The following IGFBPL1 variants were observed in gnomAD, a reference collection of about 807,000 sequenced individuals.
IGFBPL1 encodes the protein insulin like growth factor binding protein like 1, also known as insulin-like growth factor-binding protein-like 1.
A neutral mutation model predicts 23.9 loss-of-function variants in IGFBPL1; 20 were observed. That is an observed-to-expected ratio of 0.84 (90% CI 0.59 to 1.22). IGFBPL1 has a LOEUF of 1.22. Ranked by LOEUF, IGFBPL1 falls within the 50% of genes most tolerant of loss-of-function variation. IGFBPL1 has a pLI of 0.00. For missense variants in IGFBPL1, 436 were observed against 379.3 expected (o/e 1.15, Z -1.24); for synonymous variants, 184 against 171.8 (o/e 1.07, Z -0.56).
In IGFBPL1 at chr9:38,414,166, G is replaced by A. The variant is rs373687632; in HGVS notation, c.498C>T (p.Asn166=). The A allele has an allele frequency of 8.7e-6, 14 of 1,611,174 alleles. No individual in the cohort carries two copies. Among genetic ancestry groups the A allele is most frequent in the Admixed American group, 1.7e-5 (1 of 59,678 alleles). ...ACAGGCCCACCTGCGCCCCGGTGAC[G>A]TTGTGAACACTTCGGGGAGGAACGA... is the stretch of plus-strand genomic sequence containing the variant. The part of the protein sequence containing the change: ...VVVVPPRSVH[N]VTGAQVGLSC... Residue 166 remains asparagine, a synonymous_variant, in exon 2 of 5, where the codon AAC becomes AAT. Transcript: ENST00000377694.
At chr9:38,421,894 A>G (rs1191336570) in intron 1 of IGFBPL1, among the ~76,000 whole-genome samples, 1 of 152,202 alleles carries the variant, frequency 6.6e-6, no homozygotes, top group Non-Finnish European at 1.5e-5. Context: ...AACCCCGGGG[A>G]GGCCTGACGC....
intron 3 of IGFBPL1, 39 bp from the exon 4 acceptor site, chr9:38,411,588 G>A (rs1269664323): frequency 6.4e-7 from 1 of 1,573,492 alleles, no homozygotes. Flanking sequence ...GTTATATAAG[G>A]AACAGCAAAA....
At chr9:38,411,342 T>C in intron 4 of IGFBPL1, 49 bp downstream of exon 4, 1 of 1,507,174 alleles carries the variant, frequency 6.6e-7, no homozygotes, top group Non-Finnish European at 9.0e-7. Flanking sequence ...CCACCTCAAA[T>C]ATCTCATAAC....
rs1821443635 is a variant in IGFBPL1, at chr9:38,407,481, C to T, written c.*1746G>A. On this transcript the variant is annotated 3_prime_UTR_variant, in exon 5 of 5. Coordinates refer to ENST00000377694, the MANE Select transcript of IGFBPL1 (RefSeq NM_001007563.3). ...TCCCAATATATTAGACATGGAATGGCAGGCTTACAGGCGGAAAGTTCACTT... is the reference window on the plus strand; with the variant it reads ...TCCCAATATATTAGACATGGAATGGTAGGCTTACAGGCGGAAAGTTCACTT... Among the ~76,000 whole-genome samples, 2 of 152,184 alleles carry T rather than the reference C, an allele frequency of 1.3e-5. No homozygotes were observed. The highest frequency in any genetic ancestry group is 2.1e-4 in the South Asian group (1 of 4,830).
intron 1 of IGFBPL1, among the ~76,000 whole-genome samples, chr9:38,423,317 C>G (rs570090748): frequency 2.4e-4 from 36 of 152,258 alleles, no homozygotes; most frequent in African/African-American, 8.7e-4. Flanking sequence ...TAAGGCAGGA[C>G]TCTCCAAATT....
At chr9:38,418,281 C>T (rs1182370304) in intron 1 of IGFBPL1, among the ~76,000 whole-genome samples, 1 of 152,174 alleles carries the variant, frequency 6.6e-6, no homozygotes, top group Admixed American at 6.5e-5. Context: ...AGGTTCAAAT[C>T]CTTTCTCTGC....
At chr9:38,422,882 C>T (rs542662582) in intron 1 of IGFBPL1, among the ~76,000 whole-genome samples, 116 of 152,266 alleles carry the variant, frequency 7.6e-4, no homozygotes, top group Non-Finnish European at 1.4e-3. Flanking sequence ...AGGTCTCACC[C>T]CACCCCAGGC....
In IGFBPL1 at chr9:38,407,475, G is replaced by A. The variant is rs1335697348; in HGVS notation, c.*1752C>T. On this transcript the variant is annotated 3_prime_UTR_variant, in exon 5 of 5. Coordinates refer to ENST00000377694, the MANE Select transcript of IGFBPL1 (RefSeq NM_001007563.3). The stretch of plus-strand genomic sequence containing the variant: ...ATGCCATCCCAATATATTAGACATG[G>A]AATGGCAGGCTTACAGGCGGAAAGT... 1.3e-5 allele frequency among the ~76,000 whole-genome samples: 2 copies of A among 152,204 alleles called. No individual in the cohort carries two copies. Among genetic ancestry groups the A allele is most frequent in the African/African-American group, 2.4e-5 (1 of 41,448 alleles).
At chr9:38,421,844 T>C (rs1019523404) in intron 1 of IGFBPL1, among the ~76,000 whole-genome samples, 1 of 152,210 alleles carries the variant, frequency 6.6e-6, no homozygotes, top group Non-Finnish European at 1.5e-5. Context: ...TGCCCGGTTC[T>C]GTGGTGGATG....
Position 38,414,111 on chromosome 9 carries a change from C to CT in IGFBPL1, c.552dup (p.Val185SerfsTer12). ...AGAAATACCTTTCTCCACGTGATGA[C>CT]TGGGGTAGGCACAGCCCTCACTTCA... On this transcript the variant is annotated frameshift_variant, in exon 2 of 5. Transcript: ENST00000377694. LOFTEE classifies it high-confidence loss of function. 6.2e-7 allele frequency: 1 copy of CT among 1,610,070 alleles called. No individual in the cohort carries two copies. The highest frequency in any genetic ancestry group is 1.1e-5 in the South Asian group (1 of 90,994).
intron 1 of IGFBPL1, among the ~76,000 whole-genome samples, chr9:38,417,584 T>G (rs1821618365): frequency 6.6e-6 from 1 of 152,162 alleles, no homozygotes; most frequent in South Asian, 2.1e-4. Flanking sequence ...GTTCAATGAT[T>G]TCCTAGGAGG....
chr9:38,411,724 A>C (rs1821516335), intron 3 of IGFBPL1, among the ~76,000 whole-genome samples, 175 bp from the exon 4 acceptor site: 4 of 152,158 alleles, frequency 2.6e-5, no homozygotes, highest in Non-Finnish European at 5.9e-5. Flanking sequence ...TTTCCTTCCC[A>C]GGGACCCTCT....
intron 4 of IGFBPL1, among the ~76,000 whole-genome samples, chr9:38,411,184 T>C (rs1821508856): frequency 6.6e-6 from 1 of 152,212 alleles, no homozygotes; most frequent in Non-Finnish European, 1.5e-5. Flanking sequence ...GCTCTTGTCT[T>C]TGCATGCTAA....
In IGFBPL1 at chr9:38,424,127, G is replaced by GC; in HGVS notation, c.297dup (p.Pro100AlafsTer78). The GC allele has an allele frequency of 7.9e-7, 1 of 1,263,442 alleles. No homozygotes were observed. Among genetic ancestry groups the GC allele is most frequent in the Non-Finnish European group, 9.9e-7 (1 of 1,005,190 alleles). 78.3% of individuals were successfully genotyped at this position (1,263,442 alleles called of 1,614,324 possible). On this transcript the variant is annotated frameshift_variant, in exon 1 of 5. Transcript: ENST00000377694. LOFTEE classifies it high-confidence loss of function. ...CACACGCAGAGCCCGGTGCCCTCGG[G>GC]CGCTGCCCCAGCGGCCTGGCTCGCG...
In IGFBPL1 at chr9:38,414,159, C is replaced by T. The variant is rs375203970; in HGVS notation, c.505G>A (p.Gly169Arg). 1.5e-5 allele frequency: 24 copies of T among 1,611,672 alleles called. No individual in the cohort carries two copies. The highest frequency in any genetic ancestry group is 3.3e-5 in the South Asian group (3 of 90,658). Residue 169 changes from glycine to arginine, a missense_variant, in exon 2 of 5, where the codon GGG (glycine) becomes AGG (arginine). Physicochemically the swap from Gly to Arg is moderately radical, Grantham distance 125. Coordinates refer to ENST00000377694, the MANE Select transcript of IGFBPL1 (RefSeq NM_001007563.3). ...VPPRSVHNVT[G>R]AQVGLSCEVR... is the part of the protein sequence containing the mutation. The stretch of plus-strand genomic sequence containing the variant: ...TCACAGGACAGGCCCACCTGCGCCC[C>T]GGTGACGTTGTGAACACTTCGGGGA...
In IGFBPL1 at chr9:38,424,314, CTT is replaced by C. The variant is rs1451291914; in HGVS notation, c.109_110del (p.Lys37ValfsTer140). 3.3e-6 allele frequency: 4 copies of C among 1,229,512 alleles called. No individual in the cohort carries two copies. In the Admixed American group the frequency reaches 1.1e-4, roughly 34 times the overall value. The allele number at this position is 1,229,512 out of a possible 1,614,324, so 76.2% of individuals were successfully genotyped here. A position where few individuals can be genotyped will look rare whatever the true frequency, so the allele number is the denominator to read the frequency against. On this transcript the variant is annotated frameshift_variant, in exon 1 of 5. Coordinates refer to ENST00000377694, the MANE Select transcript of IGFBPL1 (RefSeq NM_001007563.3). LOFTEE classifies it high-confidence loss of function. ...GIRDVGGRRPKCGPCRPEGCP... is the reference protein window; with the variant it reads ...GIRDVGGRRPXCGPCRPEGCP... Reference sequence around the variant, plus strand: ...AGCCCTCTGGCCGGCACGGACCACACTTGGGGCGCCGGCCGCCCACGTCGCGG... The same window carrying C: ...AGCCCTCTGGCCGGCACGGACCACACGGGGCGCCGGCCGCCCACGTCGCGG...
chr9:38,421,665 T>TA (rs990919377), intron 1 of IGFBPL1, among the ~76,000 whole-genome samples: 3 of 152,090 alleles, frequency 2.0e-5, no homozygotes, highest in African/African-American at 4.8e-5. Context: ...GAGGCATTGT[T>TA]AAAAAACGCT....
rs922249162 is a variant in IGFBPL1 at position 38,407,968 on chromosome 9, A to G, written c.*1259T>C. Among the ~76,000 whole-genome samples the G allele has an allele frequency of 1.1e-4, 17 of 151,996 alleles. No homozygotes were observed. The highest frequency in any genetic ancestry group is 4.1e-4 in the African/African-American group (17 of 41,468). On this transcript the variant is annotated 3_prime_UTR_variant, in exon 5 of 5. Transcript: ENST00000377694. ...TTTCATTAAAAAAGAAAAAAAAGAGAGCCTTACTCTTGGGTGAGGTCAAAA... is the reference window on the plus strand; with the variant it reads ...TTTCATTAAAAAAGAAAAAAAAGAGGGCCTTACTCTTGGGTGAGGTCAAAA...
In IGFBPL1 at chr9:38,406,669, G is replaced by A. The variant is rs1241825004; in HGVS notation, c.*2558C>T. Among the ~76,000 whole-genome samples the A allele has an allele frequency of 3.3e-5, 5 of 152,140 alleles. No homozygotes were observed. The highest frequency in any genetic ancestry group is 2.1e-4 in the South Asian group (1 of 4,826). On this transcript the variant is annotated 3_prime_UTR_variant, in exon 5 of 5. Coordinates refer to ENST00000377694, the MANE Select transcript of IGFBPL1 (RefSeq NM_001007563.3). ...TCCAAATGCTAACAGCTGTGGCAGCGCATGCTCTCTTAGCCTCTGAAGAGG... is the reference window on the plus strand; with the variant it reads ...TCCAAATGCTAACAGCTGTGGCAGCACATGCTCTCTTAGCCTCTGAAGAGG...
Sources: gnomAD v4.1 joint callset for allele counts (sites outside exome capture counted in the v4.1 genomes callset) on GRCh38, gnomAD v4.1.1 for gene constraint, MANE v1.5 for transcripts, NCBI Gene and HGNC (gene_info 2026-07-23, HGNC 2026-07-21) for gene names.